Variants in ATG7 observed in about 807,000 individuals in gnomAD.
ATG7 encodes the protein autophagy related 7.
In ATG7, 70 loss-of-function variants were observed where a neutral mutation model predicts 82.4. The observed-to-expected ratio is 0.85, with a 90% CI of 0.70 to 1.04. The LOEUF is 1.04. Ranked by LOEUF, ATG7 falls within the 50% of genes least tolerant of loss-of-function variation. The probability of loss-of-function intolerance (pLI) is 0.00; values close to 1 mark genes in which losing one functional copy is unlikely to be tolerated. For missense variants in ATG7, 792 were observed against 864.3 expected (o/e 0.92, Z 1.05); for synonymous variants, 287 against 313.0 (o/e 0.92, Z 0.88).
At chr3:11,369,837 CTGTTTAGGAGGTGCG>C (rs1389699887) in intron 18 of ATG7, among the ~76,000 whole-genome samples, 1 of 151,084 alleles carries the variant, frequency 6.6e-6, no homozygotes, top group East Asian at 1.9e-4. Flanking sequence ...TGAGGCTGTC[CTGTTTAGGAGGTGCG>C]TGTTTAGGAA....
intron 20 of ATG7, among the ~76,000 whole-genome samples, chr3:11,463,912 G>A (rs995487259): frequency 3.9e-5 from 6 of 152,214 alleles, no homozygotes; most frequent in East Asian, 1.9e-4. Context: ...CGTGGTTGGT[G>A]TGGGGGAAAA....
At chr3:11,460,895 C>T (rs1202813082) in intron 20 of ATG7, among the ~76,000 whole-genome samples, 2 of 152,166 alleles carry the variant, frequency 1.3e-5, no homozygotes, top group Non-Finnish European at 2.9e-5. Context: ...GTGTATGGAG[C>T]CCAGAGGGTG....
At chr3:11,573,323 GAAAGAAAGAAAGAAAGAAAGAAAGA>G in the ATG7 span, among the ~76,000 whole-genome samples, 50 of 34,440 alleles carry the variant, frequency 1.5e-3, 1 homozygote, top group East Asian at 0.019. Flanking sequence ...AAGGAAGAAA[GAAAGAAAGAAAGAAAGAAAGAAAGA>G]AAGAAAGAAA....
At chr3:11,455,187 C>T (rs193176932) in intron 20 of ATG7, among the ~76,000 whole-genome samples, 32 of 152,268 alleles carry the variant, frequency 2.1e-4, no homozygotes, top group African/African-American at 7.2e-4. Context: ...GAAACTAAAG[C>T]AGTGTAGAAT....
chr3:11,444,624 C>G (rs1263912402), intron 20 of ATG7, among the ~76,000 whole-genome samples: 1 of 152,168 alleles, frequency 6.6e-6, no homozygotes, highest in Admixed American at 6.5e-5. Flanking sequence ...TGGAAGACAT[C>G]CAGACATCCT....
chr3:11,527,818 T>G (rs2092615946), intron 20 of ATG7, among the ~76,000 whole-genome samples: 1 of 152,256 alleles, frequency 6.6e-6, no homozygotes, highest in Admixed American at 6.5e-5. Flanking sequence ...CTTTCAGATG[T>G]CTTTTCTATT....
chr3:11,275,388 G>A (rs577649443), intron 1 of ATG7, among the ~76,000 whole-genome samples: 293 of 144,648 alleles, frequency 2.0e-3, no homozygotes, highest in Middle Eastern at 7.2e-3. Flanking sequence ...TCACTCTGTC[G>A]CCCAGGCTGG....
intron 20 of ATG7, among the ~76,000 whole-genome samples, chr3:11,485,760 G>A (rs1176537774): frequency 6.6e-6 from 1 of 152,100 alleles, no homozygotes; most frequent in Non-Finnish European, 1.5e-5. Flanking sequence ...TTCTACGTAT[G>A]GCTAGCCAGT....
intron 14 of ATG7, 138 bp downstream of exon 14, chr3:11,348,173 C>T: frequency 5.8e-6 from 7 of 1,211,366 alleles, no homozygotes; most frequent in Non-Finnish European, 8.0e-6. Flanking sequence ...GGCTGAACCT[C>T]TGTTTCCTCA....
In ATG7 at chr3:11,282,358, T is replaced by C. The variant is rs1943209667; in HGVS notation, c.-91T>C. The C allele has an allele frequency of 6.6e-6, 1 of 152,234 alleles. No homozygotes were observed. The highest frequency in any genetic ancestry group is 1.5e-5 in the Non-Finnish European group (1 of 68,046). The allele number at this position is 152,234 out of a possible 1,614,324, so 9.4% of individuals were successfully genotyped here. On this transcript the variant is annotated 5_prime_UTR_variant, in exon 3 of 21. Coordinates refer to ENST00000693202, the MANE Select transcript of ATG7 (RefSeq NM_001349232.2). The stretch of plus-strand genomic sequence containing the variant: ...ACCAATGAGAAGGACAGATAAGAGT[T>C]TGAAGACTGTGGATGTGACTGCTTG...
At chr3:11,501,290 T>G (rs1456973686) in intron 20 of ATG7, among the ~76,000 whole-genome samples, 1 of 152,124 alleles carries the variant, frequency 6.6e-6, no homozygotes, top group Non-Finnish European at 1.5e-5. Context: ...GTATCATGCT[T>G]AGGGAGTTAT....
intron 5 of ATG7, among the ~76,000 whole-genome samples, chr3:11,301,520 G>A (rs1946790971): frequency 6.6e-6 from 1 of 151,994 alleles, no homozygotes; most frequent in South Asian, 2.1e-4. Flanking sequence ...TTGAAAGCAC[G>A]ATGTACATCC....
Position 11,324,478 on chromosome 3 carries a change from T to C in ATG7, c.679-6862T>C, listed in dbSNP as rs74422548. Among the ~76,000 whole-genome samples, 158 of 152,322 alleles carry C rather than the reference T, an allele frequency of 1.0e-3. 1 individual carries two copies. The highest frequency in any genetic ancestry group is 3.8e-3 in the African/African-American group (156 of 41,576). On this transcript the variant is annotated intron_variant, in intron 9 of 20. Transcript: ENST00000693202. ...CTATTCGACGCCTGCCTTCTGCACTTATGCCTCATATGGGTAGGAAAGTTA... is the reference window on the plus strand; with the variant it reads ...CTATTCGACGCCTGCCTTCTGCACTCATGCCTCATATGGGTAGGAAAGTTA...
intron 11 of ATG7, among the ~76,000 whole-genome samples, chr3:11,335,623 C>G (rs1952326468): frequency 6.6e-6 from 1 of 152,214 alleles, no homozygotes; most frequent in Non-Finnish European, 1.5e-5. Flanking sequence ...TTTCTTTCCA[C>G]TTTTATGACA....
rs563048125 is a variant in ATG7 at position 11,501,987 on chromosome 3, T to C, written c.2080-52824T>C. On this transcript the variant is annotated intron_variant, in intron 20 of 20. Transcript: ENST00000693202. ...TACAGGCGTGATCCTGGGTTTACTT[T>C]TGATCCCTCTTGAAGCTTCCTAAAA... Among the ~76,000 whole-genome samples, 12 of 152,202 alleles carry C rather than the reference T, an allele frequency of 7.9e-5. No homozygotes were observed. The South Asian group carries it at 2.3e-3, about 29-fold the overall frequency.
intron 1 of ATG7, chr3:11,277,146 C>T (rs1434943080): frequency 2.0e-5 from 3 of 152,360 alleles, no homozygotes; most frequent in Non-Finnish European, 4.4e-5. Context: ...CTCCCTTGCT[C>T]CCTCATTTCA....
intron 20 of ATG7, among the ~76,000 whole-genome samples, chr3:11,545,015 CAGACCCAGCGGAGCCAGCTGTGTGGGAGG>C (rs2071154857): frequency 2.0e-5 from 3 of 152,190 alleles, no homozygotes; most frequent in African/African-American, 7.2e-5. Context: ...GAAGTCGCTG[CAGACCCAGCGGAGCCAGCTGTGTGGGAGG>C]GGCTGCGGAG....
At chr3:11,463,349 G>C (rs1048691645) in intron 20 of ATG7, among the ~76,000 whole-genome samples, 9 of 152,216 alleles carry the variant, frequency 5.9e-5, no homozygotes, top group Admixed American at 1.3e-4. Context: ...GTTGCAAAAA[G>C]TAGACAGTGA....
intron 20 of ATG7, among the ~76,000 whole-genome samples, chr3:11,515,374 G>A (rs150326108): frequency 0.015 from 2,257 of 151,964 alleles, 26 homozygotes; most frequent in Middle Eastern, 0.027. Context: ...CACGATCTTG[G>A]CTCACTGCAA....
Sources: gnomAD v4.1 joint callset for allele counts (sites outside exome capture counted in the v4.1 genomes callset) on GRCh38, gnomAD v4.1.1 for gene constraint, MANE v1.5 for transcripts, NCBI Gene and HGNC (gene_info 2026-07-23, HGNC 2026-07-21) for gene names.